The following SPOCK1 variants were observed in gnomAD, a reference collection of about 807,000 sequenced individuals.
The protein encoded by SPOCK1 is testican-1.
Under a neutral mutation model 55.3 loss-of-function variants are expected in SPOCK1, and 23 were observed. The ratio of observed to expected loss-of-function variants is 0.42; its 90% confidence interval spans 0.30 to 0.59. The LOEUF is 0.59. SPOCK1 is among the 20% of genes least tolerant of loss of function. The pLI is 0.22. For missense variants in SPOCK1, 499 were observed against 552.5 expected, an observed-to-expected ratio of 0.90 and a Z score of 0.97; for synonymous variants, 226 against 221.0, an observed-to-expected ratio of 1.02 and a Z score of -0.20.
chr5:137,033,049 C>G (rs1269598855), intron 6 of SPOCK1, among the ~76,000 whole-genome samples: 3 of 152,170 alleles, frequency 2.0e-5, no homozygotes. Context: ...AGAGGCAGGT[C>G]TAGGTCTGGA....
chr5:137,342,493 T>C (rs1488366751), intron 2 of SPOCK1, among the ~76,000 whole-genome samples: 1 of 152,224 alleles, frequency 6.6e-6, no homozygotes, highest in Non-Finnish European at 1.5e-5. Flanking sequence ...AGACTTGTTG[T>C]CTCAAGAGGA....
At chr5:137,234,842 T>C (rs1210795631) in intron 3 of SPOCK1, among the ~76,000 whole-genome samples, 1 of 152,250 alleles carries the variant, frequency 6.6e-6, no homozygotes, top group African/African-American at 2.4e-5. Flanking sequence ...TACTAATGTG[T>C]TTCTTAGGTT....
chr5:137,494,498 TA>T (rs1317585552), intron 2 of SPOCK1, among the ~76,000 whole-genome samples: 1 of 147,816 alleles, frequency 6.8e-6, no homozygotes, highest in African/African-American at 2.4e-5. Flanking sequence ...ATAGGATTGT[TA>T]TGAATATTAA....
chr5:137,435,260 T>C (rs1752836315), intron 2 of SPOCK1, among the ~76,000 whole-genome samples: 1 of 152,218 alleles, frequency 6.6e-6, no homozygotes, highest in Non-Finnish European at 1.5e-5. Flanking sequence ...CTCTAATTAA[T>C]TCCTTAAGAG....
chr5:137,115,270 C>G (rs1753556078), intron 4 of SPOCK1, among the ~76,000 whole-genome samples: 5 of 152,008 alleles, frequency 3.3e-5, no homozygotes, highest in Admixed American at 3.3e-4. Context: ...CGAGAAAACA[C>G]CTTAAAACTA....
At chr5:137,269,823 AT>A (rs1756925282) in intron 2 of SPOCK1, among the ~76,000 whole-genome samples, 1 of 152,144 alleles carries the variant, frequency 6.6e-6, no homozygotes, top group Non-Finnish European at 1.5e-5. Flanking sequence ...GGACATAAGG[AT>A]AGTTGTCAGT....
At position 137,190,774 on chromosome 5, in the gene SPOCK1, C is replaced by T. The variant is rs115947388; in HGVS notation, c.233-50080G>A. On this transcript the variant is annotated intron_variant, in intron 3 of 10. Coordinates refer to ENST00000394945, the MANE Select transcript of SPOCK1 (RefSeq NM_004598.4). ...TCACATTTCAGGAAAGCTTGACAAA[C>T]CACTTGCCTCCCCAGAGCTCCTTTT... Among the ~76,000 whole-genome samples, 833 of 152,314 alleles carry T rather than the reference C, an allele frequency of 5.5e-3. 8 individuals carry two copies. Among genetic ancestry groups the T allele is most frequent in the African/African-American group, 0.019 (781 of 41,552 alleles).
chr5:137,230,899 T>TTCCATTTTCCTTTACCCAACCTCCCCAG (rs1257673302), intron 3 of SPOCK1, among the ~76,000 whole-genome samples: 34 of 97,420 alleles, frequency 3.5e-4, no homozygotes, highest in African/African-American at 7.7e-4. Context: ...CTTACAAAAC[T>TTCCATTTTCCTTTACCCAACCTCCCCAG]AAGTATAACT....
At chr5:137,347,846 ATGCCCTACACG>A (rs1393221135) in intron 2 of SPOCK1, among the ~76,000 whole-genome samples, 1 of 151,946 alleles carries the variant, frequency 6.6e-6, no homozygotes, top group African/African-American at 2.4e-5. Context: ...TCCTCTTAGA[ATGCCCTACACG>A]TGCCCTTCCT....
chr5:137,284,630 G>A (rs957284072), intron 2 of SPOCK1, among the ~76,000 whole-genome samples: 1 of 152,168 alleles, frequency 6.6e-6, no homozygotes, highest in East Asian at 1.9e-4. Flanking sequence ...GTGGCAGAGT[G>A]ACCTCATGAA....
chr5:137,270,357 A>G (rs902922657), intron 2 of SPOCK1, among the ~76,000 whole-genome samples: 2 of 152,232 alleles, frequency 1.3e-5, no homozygotes, highest in African/African-American at 4.8e-5. Context: ...ATGCATATCT[A>G]AATATAGTCA....
intron 2 of SPOCK1, among the ~76,000 whole-genome samples, chr5:137,441,883 A>G (rs1433503429): frequency 6.6e-6 from 1 of 152,206 alleles, no homozygotes; most frequent in Non-Finnish European, 1.5e-5. Context: ...CCTACTCACA[A>G]CTAGGCAGGT....
At chr5:137,260,361 T>G (rs10055051) in intron 3 of SPOCK1, among the ~76,000 whole-genome samples, 17,907 of 152,212 alleles carry the variant, frequency 0.12, 1,324 homozygotes, top group East Asian at 0.25. Flanking sequence ...TAGCACAATA[T>G]AAAATAATTC....
At position 137,049,022 on chromosome 5, in the gene SPOCK1, A is replaced by C. The variant is rs1171665264; in HGVS notation, c.589+18693T>G. Among the ~76,000 whole-genome samples, 159 of 139,334 alleles carry C rather than the reference A, an allele frequency of 1.1e-3. 4 individuals are homozygous for C. The Middle Eastern group carries it at 0.028, about 25-fold the overall frequency. 91.4% of individuals were successfully genotyped at this position (139,334 alleles called of 152,430 possible). On this transcript the variant is annotated intron_variant, in intron 6 of 10. Coordinates refer to ENST00000394945, the MANE Select transcript of SPOCK1 (RefSeq NM_004598.4). ...TGCCGAGAGATCCGCTGTTAGTCTGATGGGCTTTCCTTTGAGGGTAACCCG... is the reference window on the plus strand; with the variant it reads ...TGCCGAGAGATCCGCTGTTAGTCTGCTGGGCTTTCCTTTGAGGGTAACCCG...
intron 6 of SPOCK1, among the ~76,000 whole-genome samples, chr5:137,055,959 G>A (rs888537646): frequency 2.0e-5 from 3 of 152,074 alleles, no homozygotes; most frequent in African/African-American, 4.8e-5. Context: ...CTTTGACTTC[G>A]GGACCTAAGT....
chr5:137,180,124 G>A lies in SPOCK1; in HGVS notation c.233-39430C>T, dbSNP rs181256137. On this transcript the variant is annotated intron_variant, in intron 3 of 10. Transcript: ENST00000394945. ...ATCTACCTGGATCTGGCAGAGGCAA[G>A]CATCCGGTTCTCCACCCCTCTAGCA... 2.6e-3 allele frequency among the ~76,000 whole-genome samples: 398 copies of A among 152,266 alleles called. 1 individual carries two copies. The highest frequency in any genetic ancestry group is 4.2e-3 in the Non-Finnish European group (283 of 68,020).
At chr5:137,355,875 C>T (rs1037448183) in intron 2 of SPOCK1, among the ~76,000 whole-genome samples, 6 of 152,280 alleles carry the variant, frequency 3.9e-5, no homozygotes, top group East Asian at 1.9e-4. Flanking sequence ...TGCTGAACAC[C>T]GCAGGCCCAG....
intron 2 of SPOCK1, among the ~76,000 whole-genome samples, chr5:137,345,595 G>A (rs1049426013): frequency 2.0e-5 from 3 of 152,150 alleles, no homozygotes; most frequent in Non-Finnish European, 4.4e-5. Context: ...CAAACACCCT[G>A]GTCTAAGTGG....
intron 3 of SPOCK1, 43 bp from the exon 4 acceptor site, chr5:137,140,737 G>A: frequency 3.0e-6 from 3 of 1,004,528 alleles, no homozygotes; most frequent in Non-Finnish European, 4.3e-6. Context: ...AGGACCTCCA[G>A]GGAAATTTAA....
Sources: gnomAD v4.1 joint callset for allele counts (sites outside exome capture counted in the v4.1 genomes callset) on GRCh38, gnomAD v4.1.1 for gene constraint, MANE v1.5 for transcripts, NCBI Gene and HGNC (gene_info 2026-07-23, HGNC 2026-07-21) for gene names.